Variants in AKNAD1 observed in about 807,000 individuals in gnomAD.
AKNAD1 encodes protein AKNAD1.
AKNAD1 carries 67 observed loss-of-function variants against 90.8 expected under a neutral mutation model. The observed-to-expected ratio is 0.74, with a 90% CI of 0.61 to 0.90. The LOEUF (loss-of-function observed/expected upper bound fraction) is 0.90, where lower values mean the gene tolerates loss of function less well. Ranked by LOEUF, AKNAD1 falls within the 40% of genes least tolerant of loss-of-function variation. The pLI is 0.00. For synonymous variants in AKNAD1, 327 were observed against 341.4 expected, an observed-to-expected ratio of 0.96 and a Z score of 0.46; for missense variants, 957 against 975.4, an observed-to-expected ratio of 0.98 and a Z score of 0.25.
At chr1:108,841,493 T>C (rs1664552024) in intron 6 of AKNAD1, among the ~76,000 whole-genome samples, 1 of 152,218 alleles carries the variant, frequency 6.6e-6, no homozygotes, top group Non-Finnish European at 1.5e-5. Context: ...AGCAAATTAC[T>C]ATTGGACTAC....
chr1:108,849,793 G>A (rs1488361355), intron 2 of AKNAD1, among the ~76,000 whole-genome samples: 1 of 152,158 alleles, frequency 6.6e-6, no homozygotes, highest in Non-Finnish European at 1.5e-5. Context: ...TCTTTGGCAG[G>A]AAAATGGGGA....
chr1:108,852,906 C>A, intron 1 of AKNAD1, 139 bp from the exon 2 acceptor site: 3 of 351,930 alleles, frequency 8.5e-6, no homozygotes, highest in South Asian at 1.5e-4. Context: ...ACAAGCTGAC[C>A]CAACCTCAAT....
chr1:108,823,772 T>C (rs1663901847), intron 11 of AKNAD1, 84 bp from the exon 12 acceptor site: 1 of 1,591,036 alleles, frequency 6.3e-7, no homozygotes, highest in African/African-American at 1.3e-5. Flanking sequence ...GAGCTGTAAC[T>C]GTGCAGGGTA....
intron 11 of AKNAD1, among the ~76,000 whole-genome samples, chr1:108,823,911 A>T (rs1663906335): frequency 6.6e-6 from 1 of 152,200 alleles, no homozygotes; most frequent in African/African-American, 2.4e-5. Flanking sequence ...CTTGTATGAA[A>T]ATCTCAAGAT....
intron 13 of AKNAD1, 104 bp downstream of exon 13, chr1:108,823,266 C>G: frequency 1.1e-6 from 1 of 946,170 alleles, no homozygotes; most frequent in Non-Finnish European, 1.7e-6. Context: ...AATGGAGAGG[C>G]CAGGGCTTCC....
At chr1:108,821,172 C>A in intron 13 of AKNAD1, among the ~76,000 whole-genome samples, 1 of 151,678 alleles carries the variant, frequency 6.6e-6, no homozygotes, top group East Asian at 2.0e-4. Context: ...AGTTTTAGGC[C>A]AGGCGTGGTG....
chr1:108,847,934 A>G (rs2101210747), intron 5 of AKNAD1, among the ~76,000 whole-genome samples: 1 of 152,360 alleles, frequency 6.6e-6, no homozygotes, highest in South Asian at 2.1e-4. Flanking sequence ...TGCCTGGTAC[A>G]GGGTCTGGGA....
chr1:108,818,876 T>C (rs932586998), intron 14 of AKNAD1, among the ~76,000 whole-genome samples: 1 of 149,714 alleles, frequency 6.7e-6, no homozygotes, highest in Non-Finnish European at 1.5e-5. Flanking sequence ...GGCAGGAGAC[T>C]CACTTGAACC....
chr1:108,823,802 C>T, intron 11 of AKNAD1, 114 bp from the exon 12 acceptor site: 1 of 1,504,588 alleles, frequency 6.6e-7, no homozygotes, highest in Non-Finnish European at 9.0e-7. Context: ...CACCAAAGTG[C>T]TTAATGTCCC....
intron 5 of AKNAD1, among the ~76,000 whole-genome samples, chr1:108,844,659 C>T (rs1156705625): frequency 2.6e-5 from 4 of 152,018 alleles, no homozygotes; most frequent in African/African-American, 9.7e-5. Flanking sequence ...CAGACTCTGT[C>T]ACTTACTCAT....
chr1:108,852,382 GA>G lies in AKNAD1; in HGVS notation c.282del (p.Leu95PhefsTer29), dbSNP rs1390682444. 1.2e-6 allele frequency: 2 copies of G among 1,614,024 alleles called. No individual in the cohort carries two copies. Among genetic ancestry groups the G allele is most frequent in the South Asian group, 2.2e-5 (2 of 91,042 alleles). ...KDEKEKQCTAALHIPANEGDA... is the reference protein window; with the variant it reads ...KDEKEKQCTAXLHIPANEGDA... ...TCTCCTTCATTTGCTGGAATATGAA[GA>G]GCTGCAGTGCATTGTTTCTCTTTCT... is the stretch of plus-strand genomic sequence containing the variant. On this transcript the variant is annotated frameshift_variant, in exon 2 of 16. Coordinates refer to ENST00000370001, the MANE Select transcript of AKNAD1 (RefSeq NM_152763.5). LOFTEE classifies it high-confidence loss of function.
At chr1:108,842,724 G>A (rs1016215704) in intron 6 of AKNAD1, among the ~76,000 whole-genome samples, 2 of 152,132 alleles carry the variant, frequency 1.3e-5, no homozygotes, top group Non-Finnish European at 2.9e-5. Context: ...GGGAGAGATA[G>A]ATAAGAGAGG....
At chr1:108,844,912 A>G (rs555194941) in intron 5 of AKNAD1, among the ~76,000 whole-genome samples, 1 of 151,732 alleles carries the variant, frequency 6.6e-6, no homozygotes, top group South Asian at 2.1e-4. Flanking sequence ...TCTACCTCCC[A>G]GGTTCAAGCA....
intron 1 of AKNAD1, among the ~76,000 whole-genome samples, chr1:108,855,282 G>T (rs547081709): frequency 6.6e-6 from 1 of 152,050 alleles, no homozygotes; most frequent in Non-Finnish European, 1.5e-5. Context: ...GCGTGGTGGC[G>T]CACACCTGTA....
chr1:108,817,301 G>A (rs1663643525), intron 14 of AKNAD1, 124 bp from the exon 15 acceptor site: 5 of 1,226,172 alleles, frequency 4.1e-6, no homozygotes, highest in Non-Finnish European at 4.5e-6. Context: ...TCGTGCACCC[G>A]CTGCCCTCCT....
At chr1:108,855,508 T>G (rs1157465622) in intron 1 of AKNAD1, among the ~76,000 whole-genome samples, 1 of 146,908 alleles carries the variant, frequency 6.8e-6, no homozygotes, top group Non-Finnish European at 1.5e-5. Flanking sequence ...AAAATCAGGC[T>G]GGATGAGGTG....
chr1:108,850,758 A>G (rs1020398352), intron 2 of AKNAD1, among the ~76,000 whole-genome samples: 1 of 152,226 alleles, frequency 6.6e-6, no homozygotes, highest in African/African-American at 2.4e-5. Flanking sequence ...CTCAAAGGAA[A>G]GATCATGCAC....
In AKNAD1 at chr1:108,851,963, C is replaced by T. The variant is rs773348682; in HGVS notation, c.702G>A (p.Gln234=). 13 of 1,614,178 alleles carry T rather than the reference C, an allele frequency of 8.1e-6. No individual in the cohort carries two copies. In the South Asian group the frequency reaches 1.2e-4, roughly 15 times the overall value. Residue 234 remains glutamine (Q), a synonymous_variant, in exon 2 of 16, where the codon CAG becomes CAA. Coordinates refer to ENST00000370001, the MANE Select transcript of AKNAD1 (RefSeq NM_152763.5). Reference sequence around the variant, plus strand: ...AATTTGCTTTTTCAGTCTGCTGTTTCTGGGGTGACTGCCCTTGATAACTTT... The same window carrying T: ...AATTTGCTTTTTCAGTCTGCTGTTTTTGGGGTGACTGCCCTTGATAACTTT... ...KQKSYQGQSP[Q]KQQTEKANSG... is the part of the protein sequence containing the mutation.
chr1:108,830,706 G>C, intron 9 of AKNAD1, 56 bp from the exon 10 acceptor site: 1 of 1,557,412 alleles, frequency 6.4e-7, no homozygotes, highest in South Asian at 1.1e-5. Context: ...TCACGCCGCG[G>C]CTGCACACGC....
Sources: allele counts gnomAD v4.1 joint callset (sites outside exome capture counted in the v4.1 genomes callset), GRCh38; gene constraint gnomAD v4.1.1; transcripts MANE v1.5; gene names NCBI Gene and HGNC (gene_info 2026-07-23, HGNC 2026-07-21).